MCUB: variants seen among roughly 807,000 people sequenced by gnomAD.
MCUB encodes the protein calcium uniporter regulatory subunit MCUb, mitochondrial.
In MCUB, 46 loss-of-function variants were observed where a neutral mutation model predicts 41.4. That is an observed-to-expected ratio of 1.11 (90% CI 0.88 to 1.42). The LOEUF is 1.42. MCUB is among the 40% of genes most tolerant of loss of function. The probability of loss-of-function intolerance (pLI) is 0.00; values close to 1 mark genes in which losing one functional copy is unlikely to be tolerated. For missense variants in MCUB, 403 were observed against 404.9 expected (o/e 1.00, Z 0.04); for synonymous variants, 148 against 148.2 (o/e 1.00, Z 0.01).
chr4:109,597,969 A>G (rs197223), intron 1 of MCUB, among the ~76,000 whole-genome samples: 66,910 of 140,994 alleles, frequency 0.47, 14,972 homozygotes, highest in South Asian at 0.58. Flanking sequence ...GCGGCGGGGC[A>G]GAGGCGCTCC....
intron 1 of MCUB, among the ~76,000 whole-genome samples, chr4:109,603,372 C>T (rs1426459965): frequency 6.6e-6 from 1 of 152,210 alleles, no homozygotes; most frequent in Non-Finnish European, 1.5e-5. Flanking sequence ...GCCCGGATTG[C>T]AGACAGAGTC....
intron 1 of MCUB, among the ~76,000 whole-genome samples, chr4:109,563,592 T>A (rs1726693128): frequency 6.6e-6 from 1 of 152,236 alleles, no homozygotes. Flanking sequence ...GATCTCAAAG[T>A]AATGCTAGAC....
At chr4:109,667,733 AAAGTAT>A (rs1311400986) in intron 4 of MCUB, among the ~76,000 whole-genome samples, 2 of 150,848 alleles carry the variant, frequency 1.3e-5, no homozygotes, top group Non-Finnish European at 3.0e-5. Context: ...CTAGTTTCTT[AAAGTAT>A]AAGTTCAGAT....
chr4:109,685,393 T>C, intron 7 of MCUB, 26 bp downstream of exon 7: 1 of 986,278 alleles, frequency 1.0e-6, no homozygotes, highest in Non-Finnish European at 1.6e-6. Flanking sequence ...ATCTTATAGC[T>C]GGTTTGTTTG....
intron 1 of MCUB, among the ~76,000 whole-genome samples, chr4:109,653,591 T>C (rs1018808657): frequency 1.1e-4 from 17 of 152,182 alleles, no homozygotes; most frequent in African/African-American, 4.1e-4. Flanking sequence ...GTGGGTTTTT[T>C]TTGAGATGGA....
At chr4:109,666,738 A>T (rs1729353543) in intron 4 of MCUB, among the ~76,000 whole-genome samples, 4 of 151,860 alleles carry the variant, frequency 2.6e-5, no homozygotes, top group Admixed American at 2.6e-4. Context: ...TTGCTTTCTC[A>T]TTGTCTTTCA....
intron 1 of MCUB, among the ~76,000 whole-genome samples, chr4:109,612,096 C>T (rs909827930): frequency 2.6e-5 from 4 of 152,210 alleles, no homozygotes; most frequent in East Asian, 3.9e-4. Flanking sequence ...TATAAAGAGA[C>T]ATTTATTTCT....
chr4:109,647,796 G>A (rs141396625), intron 1 of MCUB, among the ~76,000 whole-genome samples: 1,858 of 152,188 alleles, frequency 0.012, 120 homozygotes, highest in Admixed American at 0.11. Context: ...TAAATGTGCC[G>A]CTGAACCACC....
chr4:109,605,637 C>T (rs1183273203), intron 1 of MCUB, among the ~76,000 whole-genome samples: 2 of 152,132 alleles, frequency 1.3e-5, no homozygotes, highest in African/African-American at 4.8e-5. Flanking sequence ...GTTGAAGTCT[C>T]CAGCTATTAT....
rs767862998 is a variant in MCUB at position 109,610,313 on chromosome 4, CTT to C, written c.100-48693_100-48692del. ...TGATTTTTGGTTCTTATAAAGGTGT[CTT>C]TTTTGTGTAGATGCTAAATTTGGTG... On this transcript the variant is annotated intron_variant, in intron 1 of 7. Coordinates refer to ENST00000394650, the MANE Select transcript of MCUB (RefSeq NM_017918.5). Among the ~76,000 whole-genome samples the C allele has an allele frequency of 8.7e-4, 133 of 152,274 alleles. No homozygotes were observed. The Middle Eastern group carries it at 0.024, about 27-fold the overall frequency.
intron 1 of MCUB, among the ~76,000 whole-genome samples, chr4:109,579,854 C>A (rs747859742): frequency 6.6e-6 from 1 of 152,034 alleles, no homozygotes; most frequent in Non-Finnish European, 1.5e-5. Flanking sequence ...AAATAATGAA[C>A]CAAATCCCCA....
intron 1 of MCUB, among the ~76,000 whole-genome samples, chr4:109,616,463 A>G (rs1327146142): frequency 6.6e-6 from 1 of 152,226 alleles, no homozygotes; most frequent in African/African-American, 2.4e-5. Context: ...ATTACCCAAC[A>G]GAATAACCAG....
At chr4:109,656,419 A>G (rs985136054) in intron 1 of MCUB, among the ~76,000 whole-genome samples, 2 of 119,830 alleles carry the variant, frequency 1.7e-5, no homozygotes, top group African/African-American at 6.4e-5. Flanking sequence ...TCTGTGGCCC[A>G]GGCTGAAGTG....
intron 1 of MCUB, among the ~76,000 whole-genome samples, chr4:109,562,602 T>G (rs1364425977): frequency 2.0e-5 from 3 of 152,206 alleles, no homozygotes; most frequent in Non-Finnish European, 4.4e-5. Flanking sequence ...TTATTTCTAT[T>G]TATTTTTTTT....
In MCUB at chr4:109,577,598, CTTTTTTTTTTTTTTTTT is replaced by C; in HGVS notation, c.99+17175_99+17191del. On this transcript the variant is annotated intron_variant, in intron 1 of 7. Transcript: ENST00000394650. The stretch of plus-strand genomic sequence containing the variant: ...ATAGCCTAAAATGGGTACTTGAATT[CTTTTTTTTTTTTTTTTT>C]TTTTTTTTTTTTGAGATGGAGTCTC... 4.1e-5 allele frequency among the ~76,000 whole-genome samples: 2 copies of C among 48,660 alleles called. 1 individual carries two copies. Among genetic ancestry groups the C allele is most frequent in the South Asian group, 1.9e-3 (2 of 1,054 alleles). The allele number at this position is 48,660 out of a possible 152,430, so 31.9% of individuals were successfully genotyped here. A position where few individuals can be genotyped will look rare whatever the true frequency, so the allele number is the denominator to read the frequency against.
At chr4:109,568,589 C>G (rs1205076060) in intron 1 of MCUB, among the ~76,000 whole-genome samples, 1 of 152,294 alleles carries the variant, frequency 6.6e-6, no homozygotes, top group Non-Finnish European at 1.5e-5. Flanking sequence ...ATAGCCACCC[C>G]CCATCTCCCC....
intron 1 of MCUB, among the ~76,000 whole-genome samples, chr4:109,587,624 T>G (rs1024561461): frequency 2.0e-5 from 3 of 152,232 alleles, no homozygotes; most frequent in Non-Finnish European, 4.4e-5. Flanking sequence ...TTTAAAAAAT[T>G]ACTTTTACAG....
At chr4:109,644,077 G>A (rs529998015) in intron 1 of MCUB, among the ~76,000 whole-genome samples, 2 of 152,214 alleles carry the variant, frequency 1.3e-5, no homozygotes, top group East Asian at 3.9e-4. Context: ...AAATGTGAAG[G>A]TCTTTGTCAT....
chr4:109,633,063 T>G (rs970054585), intron 1 of MCUB, among the ~76,000 whole-genome samples: 3 of 152,272 alleles, frequency 2.0e-5, no homozygotes, highest in African/African-American at 7.2e-5. Context: ...AAAGTAGAGA[T>G]GTAAGGAGGT....
Sources: gnomAD v4.1 joint callset for allele counts (sites outside exome capture counted in the v4.1 genomes callset) on GRCh38, gnomAD v4.1.1 for gene constraint, MANE v1.5 for transcripts, NCBI Gene and HGNC (gene_info 2026-07-23, HGNC 2026-07-21) for gene names.